The following CSMD3 variants were observed in gnomAD, a reference collection of about 807,000 sequenced individuals.
CSMD3 encodes the protein CUB and sushi domain-containing protein 3.
Under a neutral mutation model 435.2 loss-of-function variants are expected in CSMD3, and 177 were observed. That is an observed-to-expected ratio of 0.41 (90% confidence interval 0.36 to 0.46). CSMD3 has a LOEUF of 0.46. CSMD3 is among the 20% of genes least tolerant of loss of function. The pLI is 0.34. For synonymous variants in CSMD3, 1,656 were observed against 1,520.5 expected, an observed-to-expected ratio of 1.09 and a Z score of -2.07; for missense variants, 4,265 against 4,504.6, an observed-to-expected ratio of 0.95 and a Z score of 1.52.
chr8:112,369,541 AATGAGTTCATGTCATTTGCAGGG>A (rs945894917), intron 38 of CSMD3, among the ~76,000 whole-genome samples: 1 of 152,148 alleles, frequency 6.6e-6, no homozygotes, highest in African/African-American at 2.4e-5. Context: ...CATAAAAAAG[AATGAGTTCATGTCATTTGCAGGG>A]ACATGGATGA....
chr8:112,799,531 T>A (rs2078911830), intron 13 of CSMD3, among the ~76,000 whole-genome samples: 1 of 151,998 alleles, frequency 6.6e-6, no homozygotes, highest in Non-Finnish European at 1.5e-5. Flanking sequence ...ATTTCTAATA[T>A]GCACATTGTG....
At chr8:112,993,522 A>G (rs2085531442) in intron 6 of CSMD3, among the ~76,000 whole-genome samples, 1 of 151,868 alleles carries the variant, frequency 6.6e-6, no homozygotes, top group African/African-American at 2.4e-5. Flanking sequence ...CCTTTAATAA[A>G]TATTTATTGA....
intron 32 of CSMD3, among the ~76,000 whole-genome samples, chr8:112,411,382 C>G (rs1811327198): frequency 6.6e-6 from 1 of 151,742 alleles, no homozygotes; most frequent in Non-Finnish European, 1.5e-5. Context: ...TGGGGGAGTA[C>G]AGTGCTGAAT....
At chr8:112,369,795 G>C (rs1419801588) in intron 38 of CSMD3, among the ~76,000 whole-genome samples, 1 of 151,728 alleles carries the variant, frequency 6.6e-6, no homozygotes, top group African/African-American at 2.4e-5. Context: ...CAGTTTGATA[G>C]GTGCAGCAAA....
In CSMD3 at chr8:112,948,661, G is replaced by A. The variant is rs901867018; in HGVS notation, c.1421-784C>T. On this transcript the variant is annotated intron_variant, in intron 8 of 70. Coordinates refer to ENST00000297405, the MANE Select transcript of CSMD3 (RefSeq NM_198123.2). Reference sequence around the variant, plus strand: ...TGTTTAATAAATTCAATCTTAAAGTGAACTGGAGGATAAATTCTATTATTT... The same window carrying A: ...TGTTTAATAAATTCAATCTTAAAGTAAACTGGAGGATAAATTCTATTATTT... Among the ~76,000 whole-genome samples, 4 of 151,758 alleles carry A rather than the reference G, an allele frequency of 2.6e-5. No homozygotes were observed. In the East Asian group the frequency reaches 7.8e-4, roughly 29 times the overall value.
intron 35 of CSMD3, among the ~76,000 whole-genome samples, chr8:112,395,051 A>G (rs1030926737): frequency 2.0e-5 from 3 of 152,218 alleles, no homozygotes; most frequent in Non-Finnish European, 2.9e-5. Context: ...TACTGCAATC[A>G]TATTTATTTA....
intron 1 of CSMD3, among the ~76,000 whole-genome samples, chr8:113,344,024 G>C (rs999878496): frequency 4.6e-5 from 7 of 151,916 alleles, no homozygotes; most frequent in African/African-American, 1.5e-4. Flanking sequence ...CATATTTTTA[G>C]GTATATAGGT....
Position 112,380,470 on chromosome 8 carries a change from T to C in CSMD3, c.6032-14A>G, listed in dbSNP as rs200619509. ...GTATTGTTGTTCCTGAAATGATATATGAGAAGGCAAGACAATGACCACATA... is the reference window on the plus strand; with the variant it reads ...GTATTGTTGTTCCTGAAATGATATACGAGAAGGCAAGACAATGACCACATA... On this transcript the variant is annotated splice_polypyrimidine_tract_variant and intron_variant, in intron 37 of 70. Coordinates refer to ENST00000297405, the MANE Select transcript of CSMD3 (RefSeq NM_198123.2). The C allele has an allele frequency of 4.5e-6, 6 of 1,322,394 alleles. No individual in the cohort carries two copies. The highest frequency in any genetic ancestry group is 6.6e-6 in the Non-Finnish European group (6 of 914,696). 81.9% of individuals were successfully genotyped at this position (1,322,394 alleles called of 1,614,324 possible). A position where few individuals can be genotyped will look rare whatever the true frequency, so the allele number is the denominator to read the frequency against.
intron 30 of CSMD3, among the ~76,000 whole-genome samples, chr8:112,498,154 G>A (rs1055289066): frequency 1.3e-5 from 2 of 151,902 alleles, no homozygotes; most frequent in Admixed American, 6.6e-5. Flanking sequence ...TTAACAATTC[G>A]ATTTTCAATT....
chr8:112,890,075 G>A (rs2081737581), intron 10 of CSMD3, among the ~76,000 whole-genome samples: 1 of 151,664 alleles, frequency 6.6e-6, no homozygotes, highest in South Asian at 2.1e-4. Flanking sequence ...ATTATTAAAT[G>A]CACAATTTTT....
At chr8:112,333,931 GATTATGT>G (rs1157617659) in intron 45 of CSMD3, among the ~76,000 whole-genome samples, 1 of 152,042 alleles carries the variant, frequency 6.6e-6, no homozygotes, top group African/African-American at 2.4e-5. Flanking sequence ...TTATCTTAAT[GATTATGT>G]ATTAGTTCCC....
In CSMD3 at chr8:112,685,730, G is replaced by A. The variant is rs768262253; in HGVS notation, c.2158C>T (p.Pro720Ser). Residue 720 changes from proline to serine, a missense_variant and splice_region_variant, in exon 15 of 71, where the codon CCC (proline) becomes TCC (serine). Pro to Ser is a moderately conservative substitution (Grantham distance 74, BLOSUM62 -1). Transcript: ENST00000297405. ...WSANIPICIF[P>S]CLSNFTAPMG... The stretch of plus-strand genomic sequence containing the variant: ...GGTGCAGTAAAGTTAGACAGGCAGG[G>A]AACTGGTGAAACAGGAAGATTATGA... The A allele has an allele frequency of 1.3e-5, 21 of 1,586,746 alleles. No individual in the cohort carries two copies. The highest frequency in any genetic ancestry group is 1.6e-5 in the Non-Finnish European group (18 of 1,155,972).
intron 1 of CSMD3, among the ~76,000 whole-genome samples, chr8:113,386,565 C>G (rs2094440126): frequency 6.6e-6 from 1 of 151,812 alleles, no homozygotes; most frequent in East Asian, 1.9e-4. Flanking sequence ...CTCTCTCTCT[C>G]TGTCAGTGTA....
chr8:112,341,333 T>C (rs1399865311), intron 42 of CSMD3, 144 bp downstream of exon 42: 8 of 619,982 alleles, frequency 1.3e-5, no homozygotes, highest in Non-Finnish European at 2.2e-5. Context: ...GTTCTAAAAA[T>C]CTTCCTAATT....
Position 112,287,225 on chromosome 8 carries a change from C to T in CSMD3, c.9170G>A (p.Gly3057Asp), listed in dbSNP as rs753320393. 3.1e-6 allele frequency: 5 copies of T among 1,613,556 alleles called. No individual in the cohort carries two copies. The highest frequency in any genetic ancestry group is 4.2e-6 in the Non-Finnish European group (5 of 1,179,738). ...HCSGDATGTC[G>D]DPGTPGHGSR... Reference sequence around the variant, plus strand: ...GCCATGGCCGGGAGTACCTGGATCGCCACATGTCCCAGTAGCATCACCTGC... The same window carrying T: ...GCCATGGCCGGGAGTACCTGGATCGTCACATGTCCCAGTAGCATCACCTGC... Residue 3057 changes from glycine (G) to aspartate (D), a missense_variant, in exon 58 of 71, where the codon GGC becomes GAC. This residue lies in a region of CSMD3 where 3,255 missense variants were observed against 3,380.2 expected (regional missense o/e 0.96). Transcript: ENST00000297405.
chr8:112,699,225 C>G (rs555498063), intron 13 of CSMD3, among the ~76,000 whole-genome samples: 8 of 152,152 alleles, frequency 5.3e-5, no homozygotes, highest in Admixed American at 3.3e-4. Flanking sequence ...CTGTAACACT[C>G]ACTGCAAAAG....
At chr8:112,977,348 A>G (rs575203146) in intron 6 of CSMD3, among the ~76,000 whole-genome samples, 2 of 152,176 alleles carry the variant, frequency 1.3e-5, no homozygotes, top group African/African-American at 2.4e-5. Context: ...TCTTCGCAAC[A>G]TTTCAAAATT....
At chr8:113,410,741 G>GA (rs34022107) in intron 1 of CSMD3, among the ~76,000 whole-genome samples, 134 of 142,898 alleles carry the variant, frequency 9.4e-4, no homozygotes, top group South Asian at 6.7e-3. Context: ...ATCTGTACTG[G>GA]AAAAAAAAAA....
At chr8:113,023,606 G>A (rs1465744588) in intron 5 of CSMD3, among the ~76,000 whole-genome samples, 1 of 151,876 alleles carries the variant, frequency 6.6e-6, no homozygotes, top group Admixed American at 6.6e-5. Flanking sequence ...CTTATCCCTG[G>A]AACTTTGCAT....
Sources: allele counts gnomAD v4.1 joint callset (sites outside exome capture counted in the v4.1 genomes callset), GRCh38; gene constraint gnomAD v4.1.1; regional missense constraint gnomAD v4.1.1; transcripts MANE v1.5; gene names NCBI Gene and HGNC (gene_info 2026-07-23, HGNC 2026-07-21).